Variants in PPP2R3A observed in about 807,000 individuals in gnomAD.
The protein encoded by PPP2R3A is protein phosphatase 2 regulatory subunit B''alpha.
PPP2R3A carries 80 observed loss-of-function variants against 106.9 expected under a neutral mutation model. That is an observed-to-expected ratio of 0.75 (90% CI 0.62 to 0.90). The LOEUF (loss-of-function observed/expected upper bound fraction) is 0.90. PPP2R3A is among the 40% of genes least tolerant of loss of function. The pLI, the probability that PPP2R3A is intolerant of heterozygous loss-of-function variation, is 0.00. For missense variants in PPP2R3A, 1,386 were observed against 1,350.4 expected, an observed-to-expected ratio of 1.03 and a Z score of -0.41; for synonymous variants, 483 against 468.3, an observed-to-expected ratio of 1.03 and a Z score of -0.41.
intron 2 of PPP2R3A, among the ~76,000 whole-genome samples, chr3:136,005,877 T>TA (rs1408659422): frequency 6.6e-6 from 1 of 152,198 alleles, no homozygotes; most frequent in Non-Finnish European, 1.5e-5. Context: ...TCCAATATCT[T>TA]AAAACCATTA....
intron 10 of PPP2R3A, among the ~76,000 whole-genome samples, chr3:136,093,219 G>A (rs1378866666): frequency 6.6e-6 from 1 of 152,118 alleles, no homozygotes; most frequent in Non-Finnish European, 1.5e-5. Context: ...TACCAGCCTG[G>A]GCAACATGGT....
intron 13 of PPP2R3A, among the ~76,000 whole-genome samples, chr3:136,109,630 C>CAACA (rs1470917818): frequency 2.0e-5 from 3 of 152,132 alleles, no homozygotes; most frequent in African/African-American, 7.2e-5. Context: ...AGGCCACAAA[C>CAACA]AACACTTCAG....
At chr3:135,986,208 A>G (rs914559915) in intron 1 of PPP2R3A, among the ~76,000 whole-genome samples, 1 of 152,140 alleles carries the variant, frequency 6.6e-6, no homozygotes, top group African/African-American at 2.4e-5. Flanking sequence ...TGTAGAGGTC[A>G]AGAATATGAG....
At chr3:136,143,394 G>A (rs1341900400) in intron 13 of PPP2R3A, among the ~76,000 whole-genome samples, 1 of 152,210 alleles carries the variant, frequency 6.6e-6, no homozygotes, top group East Asian at 1.9e-4. Flanking sequence ...GGGAGGCTGA[G>A]GCAGGAGAAT....
intron 13 of PPP2R3A, among the ~76,000 whole-genome samples, chr3:136,111,288 T>C (rs1206838822): frequency 1.3e-5 from 2 of 152,176 alleles, no homozygotes; most frequent in South Asian, 2.1e-4. Flanking sequence ...AATATAGACA[T>C]TGATAAAGTT....
At chr3:136,069,540 T>A (rs192915544) in intron 5 of PPP2R3A, among the ~76,000 whole-genome samples, 205 of 152,300 alleles carry the variant, frequency 1.3e-3, no homozygotes, top group Non-Finnish European at 2.2e-3. Context: ...ATCGTAGCAC[T>A]GTACTCCAGC....
chr3:135,970,964 C>T (rs1937231378), intron 1 of PPP2R3A, among the ~76,000 whole-genome samples: 1 of 152,056 alleles, frequency 6.6e-6, no homozygotes. Context: ...CTGTAGAGCT[C>T]CTAAAGGCCA....
chr3:136,145,089 G>A lies in PPP2R3A; in HGVS notation c.3376G>A (p.Gly1126Arg), dbSNP rs760893951. The change falls in exon 14 of 14, where the codon GGA becomes AGA. Residue 1126 changes from glycine (G) to arginine (R), a missense_variant. Coordinates refer to ENST00000264977, the MANE Select transcript of PPP2R3A (RefSeq NM_002718.5). The stretch of plus-strand genomic sequence containing the variant: ...TGAACCTGCCTCTCCCTCTGAATTT[G>A]GAAACAAAAGCAATAAAATATTAAG... Reference protein sequence around the residue: ...TDEPASPSEFGNKSNKILSAS... With the variant: ...TDEPASPSEFRNKSNKILSAS... 11 of 1,613,504 alleles carry A rather than the reference G, an allele frequency of 6.8e-6. No homozygotes were observed. The highest frequency in any genetic ancestry group is 2.2e-5 in the East Asian group (1 of 44,832).
intron 13 of PPP2R3A, among the ~76,000 whole-genome samples, chr3:136,108,952 A>G (rs1014452686): frequency 1.1e-4 from 16 of 152,180 alleles, no homozygotes; most frequent in African/African-American, 3.9e-4. Context: ...GCTCTTCTTT[A>G]AAAAGTACAT....
intron 8 of PPP2R3A, among the ~76,000 whole-genome samples, chr3:136,083,115 A>C (rs1202308207): frequency 6.6e-6 from 1 of 152,168 alleles, no homozygotes; most frequent in African/African-American, 2.4e-5. Context: ...CCTGGGCTCA[A>C]GCCATCCTAC....
chr3:136,022,924 T>C, intron 2 of PPP2R3A: 2 of 1,462,604 alleles, frequency 1.4e-6, no homozygotes, highest in Non-Finnish European at 1.8e-6. Context: ...CTGTGGAGGC[T>C]GGGAGAGCAC....
At chr3:136,122,670 C>T (rs559793939) in intron 13 of PPP2R3A, among the ~76,000 whole-genome samples, 1 of 152,188 alleles carries the variant, frequency 6.6e-6, no homozygotes, top group Non-Finnish European at 1.5e-5. Flanking sequence ...ACACAGAGAG[C>T]ATACTATGTA....
chr3:135,991,999 C>A (rs9827662), intron 1 of PPP2R3A, among the ~76,000 whole-genome samples: 25,277 of 152,180 alleles, frequency 0.17, 2,806 homozygotes, highest in Non-Finnish European at 0.24. Context: ...CTTTGAGCAT[C>A]AGAAAATCTT....
chr3:136,008,339 A>T (rs1933916320), intron 2 of PPP2R3A, among the ~76,000 whole-genome samples: 1 of 152,188 alleles, frequency 6.6e-6, no homozygotes, highest in African/African-American at 2.4e-5. Context: ...TTAGCAATAC[A>T]ATAGGAAACC....
chr3:136,068,339 C>T (rs1048475068), intron 5 of PPP2R3A, among the ~76,000 whole-genome samples: 1 of 151,578 alleles, frequency 6.6e-6, no homozygotes, highest in African/African-American at 2.4e-5. Flanking sequence ...AATAAATACC[C>T]ATGAGTCTGC....
Position 135,973,584 on chromosome 3 carries a change from T to C in PPP2R3A, c.-441+7735T>C, listed in dbSNP as rs116593274. 7.3e-3 allele frequency among the ~76,000 whole-genome samples: 1,105 copies of C among 152,282 alleles called. 16 individuals carry two copies. The highest frequency in any genetic ancestry group is 0.025 in the African/African-American group (1,049 of 41,544). On this transcript the variant is annotated intron_variant, in intron 1 of 13. Coordinates refer to ENST00000264977, the MANE Select transcript of PPP2R3A (RefSeq NM_002718.5). ...TAGGGCATGTGTTTGTTGAATTCTG[T>C]TGCTATTCCTCATATTGAGGAATGT...
At chr3:136,114,628 A>G (rs939742284) in intron 13 of PPP2R3A, among the ~76,000 whole-genome samples, 4 of 152,144 alleles carry the variant, frequency 2.6e-5, no homozygotes, top group Admixed American at 2.6e-4. Flanking sequence ...CTGAGGCTTG[A>G]GTATGTGGTT....
intron 13 of PPP2R3A, among the ~76,000 whole-genome samples, chr3:136,126,778 A>G (rs1438687909): frequency 6.6e-6 from 1 of 152,114 alleles, no homozygotes; most frequent in Non-Finnish European, 1.5e-5. Flanking sequence ...GCCCCTCTAG[A>G]ACGAAGCTTC....
chr3:136,052,491 T>A (rs1366398524), intron 5 of PPP2R3A, among the ~76,000 whole-genome samples: 1 of 152,196 alleles, frequency 6.6e-6, no homozygotes, highest in Admixed American at 6.5e-5. Context: ...CAGTAGTCTC[T>A]GGGTGCCTCA....
Sources: gnomAD v4.1 joint callset for allele counts (sites outside exome capture counted in the v4.1 genomes callset) on GRCh38, gnomAD v4.1.1 for gene constraint, MANE v1.5 for transcripts, NCBI Gene and HGNC (gene_info 2026-07-23, HGNC 2026-07-21) for gene names.